The following AKAP13 variants were observed in gnomAD, a reference collection of about 807,000 sequenced individuals.
AKAP13 encodes the protein A-kinase anchoring protein 13, also known as A-kinase anchor protein 13.
Under a neutral mutation model 264.5 loss-of-function variants are expected in AKAP13, and 80 were observed. That is an observed-to-expected ratio of 0.30 (90% CI 0.25 to 0.36). The LOEUF is 0.36. Among genes scored for constraint, AKAP13 ranks in the 10% least tolerant of loss-of-function variants. The pLI is 1.00. For missense variants in AKAP13, 3,712 were observed against 3,435.2 expected, an observed-to-expected ratio of 1.08 and a Z score of -2.01; for synonymous variants, 1,380 against 1,250.2, an observed-to-expected ratio of 1.10 and a Z score of -2.19.
chr15:85,387,219 C>A (rs1050593156), intron 1 of AKAP13, among the ~76,000 whole-genome samples: 1 of 151,890 alleles, frequency 6.6e-6, no homozygotes, highest in Non-Finnish European at 1.5e-5. Context: ...GCCTGTAATC[C>A]CAGCTACTTG....
intron 2 of AKAP13, among the ~76,000 whole-genome samples, chr15:85,491,397 G>C (rs1310032487): frequency 2.7e-5 from 4 of 150,926 alleles, no homozygotes; most frequent in African/African-American, 9.7e-5. Flanking sequence ...ACCCTTTTGA[G>C]GAAAAAATAG....
At chr15:85,411,957 A>T (rs2071991935) in intron 1 of AKAP13, among the ~76,000 whole-genome samples, 1 of 152,240 alleles carries the variant, frequency 6.6e-6, no homozygotes, top group Non-Finnish European at 1.5e-5. Flanking sequence ...CATGAGCTTG[A>T]CAGCTTTTCA....
chr15:85,691,711 G>C, intron 16 of AKAP13: 1 of 438,776 alleles, frequency 2.3e-6, no homozygotes, highest in South Asian at 1.6e-5. Flanking sequence ...TGTCCCCTGT[G>C]CTTTGTACCT....
chr15:85,646,388 C>T (rs2082561631), intron 10 of AKAP13, among the ~76,000 whole-genome samples: 1 of 152,098 alleles, frequency 6.6e-6, no homozygotes, highest in Non-Finnish European at 1.5e-5. Flanking sequence ...GTTCGCGCCA[C>T]TAAACTCTAG....
intron 26 of AKAP13, chr15:85,726,175 A>T (rs2087605018): frequency 2.3e-6 from 1 of 434,764 alleles, no homozygotes; most frequent in South Asian, 4.4e-5. Context: ...CTTTTCCAAA[A>T]CAAGGCTTTG....
chr15:85,600,933 A>C (rs555127851), intron 8 of AKAP13, among the ~76,000 whole-genome samples: 1 of 152,338 alleles, frequency 6.6e-6, no homozygotes, highest in South Asian at 2.1e-4. Context: ...GTGACAAGTT[A>C]ATCTTTTTGG....
chr15:85,576,745 C>T (rs2079028338), intron 6 of AKAP13, among the ~76,000 whole-genome samples: 1 of 152,182 alleles, frequency 6.6e-6, no homozygotes, highest in South Asian at 2.1e-4. Flanking sequence ...TGTTCCAGAG[C>T]ACGTGACATT....
intron 2 of AKAP13, 90 bp downstream of exon 2, chr15:85,485,843 C>T: frequency 3.1e-6 from 4 of 1,286,352 alleles, no homozygotes; most frequent in Non-Finnish European, 4.4e-6. Context: ...GATAGATCCT[C>T]AAGGAAAATT....
At chr15:85,650,790 A>AAAAAAAAAAAAAC (rs1567175506) in intron 10 of AKAP13, among the ~76,000 whole-genome samples, 1 of 117,422 alleles carries the variant, frequency 8.5e-6, no homozygotes, top group Non-Finnish European at 1.9e-5. Flanking sequence ...AAAAAAAAAA[A>AAAAAAAAAAAAAC]CAACAAAAAC....
At chr15:85,666,768 C>G (rs2083627846) in intron 13 of AKAP13, among the ~76,000 whole-genome samples, 2 of 152,184 alleles carry the variant, frequency 1.3e-5, no homozygotes, top group Admixed American at 1.3e-4. Flanking sequence ...TGCTACCAGT[C>G]TCTTGAAACT....
At chr15:85,725,605 G>A in intron 26 of AKAP13, among the ~76,000 whole-genome samples, 1 of 152,090 alleles carries the variant, frequency 6.6e-6, no homozygotes, top group Non-Finnish European at 1.5e-5. Flanking sequence ...AGAAAAGGTG[G>A]GGCATGGACT....
At chr15:85,460,501 G>A (rs1384164983) in intron 1 of AKAP13, among the ~76,000 whole-genome samples, 4 of 152,182 alleles carry the variant, frequency 2.6e-5, no homozygotes, top group African/African-American at 9.7e-5. Flanking sequence ...GATACTTTCT[G>A]TGGTAGACAG....
intron 25 of AKAP13, 22 bp from the exon 26 acceptor site, chr15:85,723,050 A>T (rs748145454): frequency 6.2e-7 from 1 of 1,603,126 alleles, no homozygotes; most frequent in South Asian, 1.1e-5. Flanking sequence ...CATAAAAAAC[A>T]GAATTATTCT....
chr15:85,395,262 A>G (rs2071056710), intron 1 of AKAP13, among the ~76,000 whole-genome samples: 2 of 152,208 alleles, frequency 1.3e-5, no homozygotes, highest in African/African-American at 2.4e-5. Context: ...ATGGGGCTGT[A>G]TAAGAATGGC....
intron 1 of AKAP13, among the ~76,000 whole-genome samples, chr15:85,423,062 T>TA (rs2072597171): frequency 6.6e-6 from 1 of 152,218 alleles, no homozygotes; most frequent in Non-Finnish European, 1.5e-5. Flanking sequence ...AAAATATTGC[T>TA]AAAAAATGCT....
intron 1 of AKAP13, among the ~76,000 whole-genome samples, chr15:85,422,500 A>G (rs2072569611): frequency 6.6e-6 from 1 of 152,214 alleles, no homozygotes; most frequent in South Asian, 2.1e-4. Context: ...AAGTAATGTA[A>G]TTGGTTAGTT....
In AKAP13 at chr15:85,644,004, C is replaced by T. The variant is rs151267672; in HGVS notation, c.4238-1814C>T. 5.1e-3 allele frequency among the ~76,000 whole-genome samples: 784 copies of T among 152,268 alleles called. 3 individuals carry two copies. The highest frequency in any genetic ancestry group is 0.018 in the African/African-American group (746 of 41,546). ...TACTATTTACTAATAGAGACTAAAA[C>T]TATTAGTGTTTCTTTGGTTTTGTCA... On this transcript the variant is annotated intron_variant, in intron 9 of 36. Coordinates refer to ENST00000394518, the MANE Select transcript of AKAP13 (RefSeq NM_007200.5).
rs756148672 is a variant in AKAP13, at chr15:85,741,504, A to C, written c.8058+9A>C. On this transcript the variant is annotated intron_variant, in intron 35 of 36. Coordinates refer to ENST00000394518, the MANE Select transcript of AKAP13 (RefSeq NM_007200.5). ...AACGGGACCTGTGTCAGGTAATGGG[A>C]CTCCCTGCCGAGAGCAACCTAATGA... 22 of 1,566,654 alleles carry C rather than the reference A, an allele frequency of 1.4e-5. No homozygotes were observed. Among genetic ancestry groups the C allele is most frequent in the Non-Finnish European group, 1.9e-5 (22 of 1,153,168 alleles).
At chr15:85,542,349 A>T (rs536500638) in intron 4 of AKAP13, among the ~76,000 whole-genome samples, 15 of 152,178 alleles carry the variant, frequency 9.9e-5, no homozygotes, top group Non-Finnish European at 1.6e-4. Context: ...AATATGAAAA[A>T]TTGTGCTTCC....
Sources: allele counts gnomAD v4.1 joint callset (sites outside exome capture counted in the v4.1 genomes callset), GRCh38; gene constraint gnomAD v4.1.1; transcripts MANE v1.5; gene names NCBI Gene and HGNC (gene_info 2026-07-23, HGNC 2026-07-21).